Variants in TSNARE1 observed in about 807,000 individuals in gnomAD.
TSNARE1 encodes t-SNARE domain-containing protein 1.
Under a neutral mutation model 62.0 loss-of-function variants are expected in TSNARE1, and 49 were observed. That is an observed-to-expected ratio of 0.79 (90% CI 0.63 to 1.00). The LOEUF is 1.00. Among genes scored for constraint, TSNARE1 ranks in the 50% least tolerant of loss-of-function variants. The probability of loss-of-function intolerance (pLI) is 0.00; values close to 1 mark genes in which losing one functional copy is unlikely to be tolerated. For missense variants in TSNARE1, 755 were observed against 700.1 expected (o/e 1.08, Z -0.88); for synonymous variants, 328 against 294.4 (o/e 1.11, Z -1.17).
Position 142,327,147 on chromosome 8 carries a change from C to T in TSNARE1, c.893+3754G>A, listed in dbSNP as rs894313746. Among the ~76,000 whole-genome samples the T allele has an allele frequency of 2.6e-5, 4 of 152,352 alleles. No individual in the cohort carries two copies. The East Asian group carries it at 7.7e-4, about 29-fold the overall frequency. On this transcript the variant is annotated intron_variant, in intron 6 of 13. Transcript: ENST00000524325. ...CAAGACAGGTGAAAATCTACACCCA[C>T]GCAAACACCTACCGCAAACATTCAC...
intron 11 of TSNARE1, among the ~76,000 whole-genome samples, chr8:142,282,541 T>A (rs138657698): frequency 7.0e-6 from 1 of 143,874 alleles, no homozygotes; most frequent in East Asian, 2.3e-4. Flanking sequence ...TGTCTGCCAA[T>A]GAGCAGAGGC....
intron 11 of TSNARE1, chr8:142,278,475 A>G: frequency 1.0e-6 from 1 of 985,330 alleles, no homozygotes; most frequent in Non-Finnish European, 1.2e-6. Flanking sequence ...CAGGAAGGGG[A>G]GGGTCCAGCG....
intron 2 of TSNARE1, among the ~76,000 whole-genome samples, chr8:142,350,997 A>G (rs1036565384): frequency 6.6e-6 from 1 of 152,230 alleles, no homozygotes; most frequent in Non-Finnish European, 1.5e-5. Flanking sequence ...ATGGCAGCCA[A>G]ACGTGCTGTC....
intron 1 of TSNARE1, among the ~76,000 whole-genome samples, chr8:142,366,961 C>CTTCA (rs1290687722): frequency 2.0e-5 from 3 of 152,172 alleles, no homozygotes; most frequent in Non-Finnish European, 4.4e-5. Context: ...AATCCACAGC[C>CTTCA]TTCACATATA....
chr8:142,225,251 C>G (rs1394674428), intron 13 of TSNARE1, among the ~76,000 whole-genome samples: 1 of 151,986 alleles, frequency 6.6e-6, no homozygotes, highest in Non-Finnish European at 1.5e-5. Context: ...ACTCCACACT[C>G]TGAATCTCCA....
At chr8:142,222,759 CTCACTCAT>C (rs1409485891) in intron 13 of TSNARE1, among the ~76,000 whole-genome samples, 4,026 of 63,102 alleles carry the variant, frequency 0.064, 259 homozygotes, top group East Asian at 0.12. Flanking sequence ...CATCCACTCA[CTCACTCAT>C]TCACTCATCC....
chr8:142,300,861 C>A (rs1307386451), intron 9 of TSNARE1, among the ~76,000 whole-genome samples: 1 of 152,248 alleles, frequency 6.6e-6, no homozygotes, highest in African/African-American at 2.4e-5. Context: ...GGAAAGACCA[C>A]AGACGTCAGT....
At chr8:142,251,915 T>A (rs1818190737) in intron 12 of TSNARE1, among the ~76,000 whole-genome samples, 1 of 145,574 alleles carries the variant, frequency 6.9e-6, no homozygotes, top group Non-Finnish European at 1.5e-5. Context: ...GCCGCCCGCG[T>A]TCTCTGTCTG....
At chr8:142,237,976 C>T (rs1006206554) in intron 12 of TSNARE1, among the ~76,000 whole-genome samples, 17 of 152,012 alleles carry the variant, frequency 1.1e-4, no homozygotes, top group African/African-American at 4.1e-4. Context: ...CCACGCCACC[C>T]GCCTGCCCAC....
At chr8:142,218,121 AGGGCTCCGTGTGAC>A (rs1816015844) in intron 13 of TSNARE1, among the ~76,000 whole-genome samples, 2 of 116,244 alleles carry the variant, frequency 1.7e-5, no homozygotes, top group Admixed American at 8.1e-5. Context: ...GACCAGGATC[AGGGCTCCGTGTGAC>A]CAGGATCAGG....
chr8:142,335,819 G>A (rs1196064237), intron 4 of TSNARE1, among the ~76,000 whole-genome samples: 3 of 152,184 alleles, frequency 2.0e-5, no homozygotes, highest in Non-Finnish European at 4.4e-5. Context: ...AAACTCGGTT[G>A]CTTCCTGCAC....
intron 10 of TSNARE1, among the ~76,000 whole-genome samples, chr8:142,292,611 A>G (rs6998660): frequency 0.52 from 79,098 of 151,826 alleles, 21,711 homozygotes; most frequent in African/African-American, 0.7. Flanking sequence ...CTAAGGGCTT[A>G]TTTCCCCTTG....
Position 142,330,888 on chromosome 8 carries a change from C to A in TSNARE1, c.893+13G>T. ...ACGCCCAGGCAAAGAGATACCATGG[C>A]CCACACACTCACAGGCTGTCCCGAA... On this transcript the variant is annotated intron_variant, in intron 6 of 13. Transcript: ENST00000524325. The A allele has an allele frequency of 6.2e-7, 1 of 1,613,804 alleles. No homozygotes were observed. Among genetic ancestry groups the A allele is most frequent in the Non-Finnish European group, 8.5e-7 (1 of 1,179,770 alleles).
intron 7 of TSNARE1, 146 bp from the exon 8 acceptor site, chr8:142,315,238 C>T (rs1828333303): frequency 8.8e-6 from 7 of 793,994 alleles, no homozygotes; most frequent in South Asian, 1.7e-5. Flanking sequence ...TCCGTGTCAC[C>T]GTCGTCTCCA....
chr8:142,218,736 CCCCA>C (rs1434186883), intron 13 of TSNARE1, among the ~76,000 whole-genome samples: 1 of 152,200 alleles, frequency 6.6e-6, no homozygotes, highest in African/African-American at 2.4e-5. Flanking sequence ...GCCCTCCCCG[CCCCA>C]CCCTGGGTGG....
At chr8:142,260,599 C>T (rs536109914) in intron 12 of TSNARE1, among the ~76,000 whole-genome samples, 3 of 152,146 alleles carry the variant, frequency 2.0e-5, no homozygotes, top group Non-Finnish European at 4.4e-5. Flanking sequence ...GAACCTTGAG[C>T]CCCGTTCCCC....
intron 12 of TSNARE1, among the ~76,000 whole-genome samples, chr8:142,259,738 C>T (rs779978561): frequency 1.3e-5 from 2 of 152,180 alleles, no homozygotes; most frequent in Non-Finnish European, 2.9e-5. Context: ...CTTCCCCTAC[C>T]GTTCTGCTAC....
At chr8:142,254,196 TG>T (rs948594426) in intron 12 of TSNARE1, among the ~76,000 whole-genome samples, 41 of 152,344 alleles carry the variant, frequency 2.7e-4, no homozygotes, top group African/African-American at 9.9e-4. Context: ...GATCTATATC[TG>T]TTTGCAGGAG....
chr8:142,305,079 G>A (rs77954171), intron 9 of TSNARE1, among the ~76,000 whole-genome samples: 2,761 of 152,316 alleles, frequency 0.018, 31 homozygotes, highest in East Asian at 0.039. Context: ...AGCCACAGGC[G>A]AGGGGGCTGG....
Sources: gnomAD v4.1 joint callset for allele counts (sites outside exome capture counted in the v4.1 genomes callset) on GRCh38, gnomAD v4.1.1 for gene constraint, MANE v1.5 for transcripts, NCBI Gene and HGNC (gene_info 2026-07-23, HGNC 2026-07-21) for gene names.